MGAT4D: variants seen among roughly 807,000 people sequenced by gnomAD.
MGAT4D encodes alpha-1,3-mannosyl-glycoprotein 4-beta-N-acetylglucosaminyltransferase-like protein MGAT4D.
Under a neutral mutation model 15.9 loss-of-function variants are expected in MGAT4D, and 34 were observed. That is an observed-to-expected ratio of 2.14 (90% CI 1.62 to 2.84). The LOEUF (loss-of-function observed/expected upper bound fraction) is 2.84, where lower values mean the gene tolerates loss of function less well. Among genes scored for constraint, MGAT4D ranks in the 30% most tolerant of loss-of-function variants. MGAT4D has a pLI of 0.00. For missense variants in MGAT4D, 327 were observed against 140.2 expected, an observed-to-expected ratio of 2.33 and a Z score of -6.73; for synonymous variants, 112 against 48.2, an observed-to-expected ratio of 2.33 and a Z score of -5.49.
Position 140,456,697 on chromosome 4 carries a change from G to A in MGAT4D, c.900C>T (p.Asp300=), listed in dbSNP as rs1458395963. The A allele has an allele frequency of 1.4e-6, 1 of 691,282 alleles. No individual in the cohort carries two copies. The highest frequency in any genetic ancestry group is 2.7e-5 in the East Asian group (1 of 36,746). The allele number at this position is 691,282 out of a possible 1,614,324, so 42.8% of individuals were successfully genotyped here. Residue 300 remains aspartate, a synonymous_variant, in exon 9 of 11, where the codon GAC becomes GAT. Coordinates refer to ENST00000511113, the MANE Select transcript of MGAT4D (RefSeq NM_001277353.2). ...GFIGKLFRSE[D]LTHFVRFFLM... ...AAAAAAACCGTACAAAGTGAGTTAA[G>A]TCCTCAGATCTAAACAGCTTTCCTA...
chr4:140,479,429 A>C (rs948345517), intron 3 of MGAT4D, 61 bp downstream of exon 3: 15 of 394,782 alleles, frequency 3.8e-5, no homozygotes, highest in African/African-American at 2.3e-4. Context: ...TTAAAACTTA[A>C]AAGTATGTCC....
chr4:140,480,072 G>A (rs4956448), intron 2 of MGAT4D, among the ~76,000 whole-genome samples: 37,651 of 151,980 alleles, frequency 0.25, 5,049 homozygotes, highest in East Asian at 0.48. Context: ...GTTAGAGGAC[G>A]CACATTGCCC....
chr4:140,471,227 T>TTACCTACCTTCC (rs1225560660), intron 5 of MGAT4D, among the ~76,000 whole-genome samples: 1 of 133,686 alleles, frequency 7.5e-6, no homozygotes, highest in African/African-American at 2.8e-5. Flanking sequence ...CTCCTTTTTG[T>TTACCTACCTTCC]TTCCTTCCTT....
At chr4:140,485,810 TAAAAAAAAAAAAAAAAAAAAAAAA>T (rs61131099) in intron 1 of MGAT4D, among the ~76,000 whole-genome samples, 1 of 13,018 alleles carries the variant, frequency 7.7e-5, no homozygotes, top group South Asian at 3.5e-3. Context: ...GACCCTGTCT[TAAAAAAAAAAAAAAAAAAAAAAAA>T]AAAAAAAAAA....
intron 1 of MGAT4D, among the ~76,000 whole-genome samples, chr4:140,486,025 T>C (rs549886143): frequency 1.3e-5 from 2 of 152,002 alleles, no homozygotes; most frequent in African/African-American, 4.8e-5. Context: ...GTCCTTACCA[T>C]GACCCACAAA....
chr4:140,485,101 C>T (rs1238103281), intron 1 of MGAT4D, among the ~76,000 whole-genome samples: 9 of 152,148 alleles, frequency 5.9e-5, no homozygotes, highest in Non-Finnish European at 1.3e-4. Flanking sequence ...CACATGCACA[C>T]GTATGTTTAC....
In MGAT4D at chr4:140,492,181, A is replaced by G. The variant is rs560336187; in HGVS notation, c.94+5948T>C. Among the ~76,000 whole-genome samples the G allele has an allele frequency of 9.8e-5, 15 of 152,292 alleles. No individual in the cohort carries two copies. In the South Asian group the frequency reaches 2.1e-3, roughly 21 times the overall value. On this transcript the variant is annotated intron_variant, in intron 1 of 10. Coordinates refer to ENST00000511113, the MANE Select transcript of MGAT4D (RefSeq NM_001277353.2). The stretch of plus-strand genomic sequence containing the variant: ...AATGTATAATATTGCTAAGACCACA[A>G]TGTTGTGAGAAACAAACACAAGCCA...
chr4:140,496,943 T>C (rs1394845338), intron 1 of MGAT4D, among the ~76,000 whole-genome samples: 5 of 152,200 alleles, frequency 3.3e-5, no homozygotes, highest in Non-Finnish European at 7.3e-5. Flanking sequence ...AAATAGACAT[T>C]TGGATGATGT....
intron 1 of MGAT4D, among the ~76,000 whole-genome samples, chr4:140,491,907 G>C (rs566506791): frequency 6.9e-6 from 1 of 145,172 alleles, no homozygotes; most frequent in Non-Finnish European, 1.5e-5. Context: ...AAAGGAGGAG[G>C]GGGGTGCAGC....
In MGAT4D at chr4:140,498,283, G is replaced by T; in HGVS notation, c.-61C>A. 1 of 692,652 alleles carries T rather than the reference G, an allele frequency of 1.4e-6. No homozygotes were observed. The highest frequency in any genetic ancestry group is 1.5e-5 in the South Asian group (1 of 66,408). The allele number at this position is 692,652 out of a possible 1,614,324, so 42.9% of individuals were successfully genotyped here. ...GGCGGCGGATAATGCCAGGGACGGG[G>T]TTGAGCGCGCAGAGCCCCCTCCCCG... On this transcript the variant is annotated 5_prime_UTR_variant, in exon 1 of 11. Transcript: ENST00000511113.
At chr4:140,485,855 A>G (rs1374068438) in intron 1 of MGAT4D, among the ~76,000 whole-genome samples, 1 of 139,320 alleles carries the variant, frequency 7.2e-6, no homozygotes, top group Non-Finnish European at 1.5e-5. Flanking sequence ...AAAAGCAATG[A>G]TGATACATTT....
intron 8 of MGAT4D, chr4:140,458,787 A>T (rs1318085674): frequency 6.6e-6 from 1 of 152,238 alleles, no homozygotes; most frequent in African/African-American, 2.4e-5. Flanking sequence ...GTGTATTTTG[A>T]ACATATTAGA....
At chr4:140,490,697 T>C (rs1733446322) in intron 1 of MGAT4D, among the ~76,000 whole-genome samples, 2 of 152,250 alleles carry the variant, frequency 1.3e-5, no homozygotes, top group South Asian at 4.1e-4. Context: ...GTTAAAGTTA[T>C]TGGCTTCTGT....
Position 140,489,445 on chromosome 4 carries a change from A to G in MGAT4D, c.95-6960T>C, listed in dbSNP as rs144301411. ...AAATGAACATCCATGAACCCATCAC[A>G]AACTACCTTAGCCTTAGATATTCTA... On this transcript the variant is annotated intron_variant, in intron 1 of 10. Transcript: ENST00000511113. Among the ~76,000 whole-genome samples the G allele has an allele frequency of 3.3e-4, 51 of 152,240 alleles. No individual in the cohort carries two copies. The Middle Eastern group carries it at 0.01, about 30-fold the overall frequency.
intron 1 of MGAT4D, among the ~76,000 whole-genome samples, chr4:140,493,014 A>G (rs975130587): frequency 2.6e-5 from 4 of 152,202 alleles, no homozygotes; most frequent in African/African-American, 9.7e-5. Flanking sequence ...TCTTTAAGTG[A>G]ATTGGGTACT....
intron 6 of MGAT4D, among the ~76,000 whole-genome samples, chr4:140,464,674 C>T (rs1414594623): frequency 6.6e-6 from 1 of 152,140 alleles, no homozygotes; most frequent in African/African-American, 2.4e-5. Flanking sequence ...GTAGCTTTTG[C>T]CCATTTCCAC....
At chr4:140,492,456 T>C (rs945855719) in intron 1 of MGAT4D, among the ~76,000 whole-genome samples, 1 of 152,092 alleles carries the variant, frequency 6.6e-6, no homozygotes, top group Non-Finnish European at 1.5e-5. Context: ...TGGTGAAACC[T>C]GTCTCTATGA....
At chr4:140,495,107 C>T (rs1007917246) in intron 1 of MGAT4D, among the ~76,000 whole-genome samples, 4 of 152,136 alleles carry the variant, frequency 2.6e-5, no homozygotes, top group African/African-American at 9.7e-5. Flanking sequence ...CTAACACTCT[C>T]CCCCCTGTTC....
rs369689165 is a variant in MGAT4D at position 140,487,154 on chromosome 4, C to A, written c.95-4669G>T. 2.2e-3 allele frequency among the ~76,000 whole-genome samples: 336 copies of A among 152,298 alleles called. 1 individual carries two copies. Among genetic ancestry groups the A allele is most frequent in the African/African-American group, 7.8e-3 (326 of 41,560 alleles). On this transcript the variant is annotated intron_variant, in intron 1 of 10. Transcript: ENST00000511113. ...CATTTTTCCCTGGTAATTCATTCAT[C>A]AATATTCTATTTAAAATATTGAAAT...
Sources: gnomAD v4.1 joint callset for allele counts (sites outside exome capture counted in the v4.1 genomes callset) on GRCh38, gnomAD v4.1.1 for gene constraint, MANE v1.5 for transcripts, NCBI Gene and HGNC (gene_info 2026-07-23, HGNC 2026-07-21) for gene names.